The following MTMR12 variants were observed in gnomAD, a reference collection of about 807,000 sequenced individuals.
MTMR12 encodes the protein myotubularin-related protein 12.
MTMR12 carries 33 observed loss-of-function variants against 96.7 expected under a neutral mutation model. The ratio of observed to expected loss-of-function variants is 0.34; its 90% confidence interval spans 0.26 to 0.46. MTMR12 has a LOEUF of 0.46. MTMR12 is among the 20% of genes least tolerant of loss of function. MTMR12 has a pLI of 1.00. For synonymous variants in MTMR12, 298 were observed against 327.2 expected (o/e 0.91, Z 0.96); for missense variants, 721 against 896.1 (o/e 0.80, Z 2.49).
chr5:32,259,760 G>T (rs916334068), intron 7 of MTMR12, among the ~76,000 whole-genome samples: 1 of 152,098 alleles, frequency 6.6e-6, no homozygotes, highest in Non-Finnish European at 1.5e-5. Context: ...CTGGGGCTGG[G>T]CATAGTGGCT....
In MTMR12 at chr5:32,246,117, T is replaced by C. The variant is rs1240605390; in HGVS notation, c.1021+1885A>G. 2.0e-5 allele frequency among the ~76,000 whole-genome samples: 3 copies of C among 152,158 alleles called. No homozygotes were observed. In the East Asian group the frequency reaches 5.8e-4, roughly 29 times the overall value. ...TTAAAATTTCTGTTGAAAGCTCTGC[T>C]CTCATCTGAAGCTGATCTGGGCACA... On this transcript the variant is annotated intron_variant, in intron 10 of 15. Coordinates refer to ENST00000382142, the MANE Select transcript of MTMR12 (RefSeq NM_001040446.3).
chr5:32,296,337 G>A (rs1411644057), intron 1 of MTMR12: 1 of 164,202 alleles, frequency 6.1e-6, no homozygotes, highest in Non-Finnish European at 1.4e-5. Context: ...AAAATTACCT[G>A]GGCATGTTGT....
chr5:32,246,170 G>GGTTTTTTTTTTTTTTTT (rs1554056246), intron 10 of MTMR12, among the ~76,000 whole-genome samples: 2 of 82,772 alleles, frequency 2.4e-5, no homozygotes, highest in African/African-American at 8.0e-5. Context: ...TGAGTAGACA[G>GGTTTTTTTTTTTTTTTT]TTTTTTTTTT....
chr5:32,244,535 G>A (rs1431260665), intron 10 of MTMR12, among the ~76,000 whole-genome samples: 1 of 152,086 alleles, frequency 6.6e-6, no homozygotes, highest in Non-Finnish European at 1.5e-5. Context: ...AGGTTACAGT[G>A]AGCTAAGATC....
At chr5:32,242,220 C>A in intron 11 of MTMR12, 93 bp from the exon 12 acceptor site, 3 of 772,270 alleles carry the variant, frequency 3.9e-6, no homozygotes, top group Non-Finnish European at 4.0e-6. Flanking sequence ...ACTTGATCTT[C>A]AGTCTTCTCT....
chr5:32,299,453 A>G (rs1029725484), intron 1 of MTMR12, among the ~76,000 whole-genome samples: 1 of 152,254 alleles, frequency 6.6e-6, no homozygotes, highest in Non-Finnish European at 1.5e-5. Context: ...TCACTGCTTT[A>G]TGATTTAAGC....
chr5:32,292,850 G>A (rs1750785062), intron 1 of MTMR12, among the ~76,000 whole-genome samples: 3 of 152,332 alleles, frequency 2.0e-5, no homozygotes, highest in South Asian at 2.1e-4. Flanking sequence ...TACCAGCTAC[G>A]ACCACGTGAC....
chr5:32,274,853 A>G (rs944655126), intron 2 of MTMR12, among the ~76,000 whole-genome samples: 1 of 152,204 alleles, frequency 6.6e-6, no homozygotes, highest in Admixed American at 6.5e-5. Context: ...GACAGAAAGT[A>G]TCCCTCCTTG....
At chr5:32,247,736 G>C in intron 10 of MTMR12, 1 of 985,040 alleles carries the variant, frequency 1.0e-6, no homozygotes, top group Non-Finnish European at 1.2e-6. Context: ...GCTCACCACT[G>C]GGCAAATGGT....
chr5:32,264,229 G>A (rs1187762836), intron 6 of MTMR12, among the ~76,000 whole-genome samples: 1 of 152,110 alleles, frequency 6.6e-6, no homozygotes, highest in African/African-American at 2.4e-5. Flanking sequence ...ACTGCTTGCC[G>A]GGTATTTATA....
chr5:32,273,755 G>C (rs978960871), intron 3 of MTMR12, among the ~76,000 whole-genome samples: 2 of 152,148 alleles, frequency 1.3e-5, no homozygotes, highest in African/African-American at 4.8e-5. Context: ...GGGATGATGG[G>C]AAGTGGAGTA....
At chr5:32,234,868 G>C in intron 14 of MTMR12, 94 bp downstream of exon 14, 2 of 1,264,382 alleles carry the variant, frequency 1.6e-6, no homozygotes, top group Non-Finnish European at 2.2e-6. Flanking sequence ...GTGCTGCCAA[G>C]TGAGCACCAT....
At chr5:32,260,295 C>T (rs1749313128) in intron 7 of MTMR12, among the ~76,000 whole-genome samples, 1 of 151,436 alleles carries the variant, frequency 6.6e-6, no homozygotes, top group South Asian at 2.1e-4. Context: ...GGACAAGTGC[C>T]ATGAGATGCA....
At chr5:32,258,057 G>A (rs1220651958) in intron 7 of MTMR12, among the ~76,000 whole-genome samples, 1 of 152,028 alleles carries the variant, frequency 6.6e-6, no homozygotes, top group Non-Finnish European at 1.5e-5. Context: ...AGCCCAGGGG[G>A]TAGAGGTTGC....
chr5:32,281,263 AAC>A (rs1750283907), intron 1 of MTMR12, among the ~76,000 whole-genome samples: 2 of 150,228 alleles, frequency 1.3e-5, no homozygotes, highest in African/African-American at 2.4e-5. Context: ...AAAAAAAAAA[AAC>A]AAAAAAAACT....
intron 4 of MTMR12, 119 bp downstream of exon 4, chr5:32,271,714 A>G (rs1749840186): frequency 1.8e-6 from 1 of 552,722 alleles, no homozygotes; most frequent in Admixed American, 4.2e-5. Context: ...AACAGATTTA[A>G]ACAAGATGAT....
rs1450855570 is a variant in MTMR12, at chr5:32,229,959, G to T, written c.2063C>A (p.Pro688His). The change falls in exon 16 of 16, where the codon CCC becomes CAC. Residue 688 changes from proline (P) to histidine (H), a missense_variant. Transcript: ENST00000382142. ...IDERHHSQQAPQAEAPCLLRN... is the reference protein window; with the variant it reads ...IDERHHSQQAHQAEAPCLLRN... Reference sequence around the variant, plus strand: ...CAGCAGGCAGGGGGCCTCAGCCTGGGGGGCCTGCTGGCTGTGGTGTCTCTC... The same window carrying T: ...CAGCAGGCAGGGGGCCTCAGCCTGGTGGGCCTGCTGGCTGTGGTGTCTCTC... 2 of 1,612,136 alleles carry T rather than the reference G, an allele frequency of 1.2e-6. No homozygotes were observed. The highest frequency in any genetic ancestry group is 4.5e-5 in the East Asian group (2 of 44,824).
At chr5:32,236,664 CCT>C (rs1028632781) in intron 13 of MTMR12, among the ~76,000 whole-genome samples, 1 of 151,888 alleles carries the variant, frequency 6.6e-6, no homozygotes, top group Admixed American at 6.6e-5. Flanking sequence ...ATGGTGAAAC[CCT>C]GTCTCTACTA....
chr5:32,284,136 A>G (rs1418047740), intron 1 of MTMR12, among the ~76,000 whole-genome samples: 1 of 151,334 alleles, frequency 6.6e-6, no homozygotes, highest in East Asian at 1.9e-4. Flanking sequence ...GCCAAACCCC[A>G]TTTCCACAAA....
Sources: allele counts gnomAD v4.1 joint callset (sites outside exome capture counted in the v4.1 genomes callset), GRCh38; gene constraint gnomAD v4.1.1; transcripts MANE v1.5; gene names NCBI Gene and HGNC (gene_info 2026-07-23, HGNC 2026-07-21).